CD44: variants seen among roughly 807,000 people sequenced by gnomAD.
The protein encoded by CD44 is CD44 molecule (IN blood group).
In CD44, 49 loss-of-function variants were observed where a neutral mutation model predicts 88.8. The ratio of observed to expected loss-of-function variants is 0.55; its 90% CI spans 0.44 to 0.70. The LOEUF (loss-of-function observed/expected upper bound fraction) is 0.70, where lower values mean the gene tolerates loss of function less well. CD44 is among the 30% of genes least tolerant of loss of function. The pLI is 0.00. For missense variants in CD44, 883 were observed against 913.8 expected (o/e 0.97, Z 0.43); for synonymous variants, 325 against 312.3 (o/e 1.04, Z -0.43).
At chr11:35,149,358 G>A (rs1210949687) in intron 1 of CD44, among the ~76,000 whole-genome samples, 1 of 152,178 alleles carries the variant, frequency 6.6e-6, no homozygotes, top group Non-Finnish European at 1.5e-5. Context: ...CATTTAGAAG[G>A]TATAAAGGCA....
intron 7 of CD44, chr11:35,200,653 C>T (rs1947224064): frequency 6.3e-6 from 1 of 159,784 alleles, no homozygotes; most frequent in South Asian, 1.8e-4. Flanking sequence ...CAGTTATCTG[C>T]CTCTTCACCC....
At chr11:35,192,386 C>T (rs954897644) in intron 5 of CD44, among the ~76,000 whole-genome samples, 79 of 152,142 alleles carry the variant, frequency 5.2e-4, no homozygotes, top group African/African-American at 1.8e-3. Flanking sequence ...TGAGTAGAAT[C>T]GTATTTCTAA....
At position 35,190,077 on chromosome 11, in the gene CD44, A is replaced by C. The variant is rs1380412697; in HGVS notation, c.667+12A>C. 2 of 1,603,906 alleles carry C rather than the reference A, an allele frequency of 1.2e-6. No homozygotes were observed. Among genetic ancestry groups the C allele is most frequent in the African/African-American group, 2.7e-5 (2 of 74,718 alleles). ...AATCCCTGCTACCAGTAAGGAGAAT[A>C]AATCACTGTGCTTCCCAATAGCAAT... On this transcript the variant is annotated intron_variant, in intron 5 of 17. Transcript: ENST00000428726.
intron 1 of CD44, among the ~76,000 whole-genome samples, chr11:35,151,958 C>T (rs1860401765): frequency 6.6e-6 from 1 of 152,236 alleles, no homozygotes; most frequent in Admixed American, 6.5e-5. Context: ...AGGGTCCCTT[C>T]TTCCCATCAG....
At chr11:35,181,440 A>T (rs1944977478) in intron 3 of CD44, among the ~76,000 whole-genome samples, 1 of 151,928 alleles carries the variant, frequency 6.6e-6, no homozygotes, top group Non-Finnish European at 1.5e-5. Context: ...CAAAATATAA[A>T]TGTCAAATAT....
chr11:35,204,706 AG>A (rs1947659914), intron 10 of CD44, 66 bp downstream of exon 10: 1 of 1,438,176 alleles, frequency 7.0e-7, no homozygotes, highest in Admixed American at 1.8e-5. Flanking sequence ...GTAGACATTG[AG>A]GACATTGAAC....
intron 1 of CD44, among the ~76,000 whole-genome samples, chr11:35,169,358 T>A (rs371406603): frequency 2.0e-5 from 3 of 152,194 alleles, no homozygotes; most frequent in East Asian, 1.9e-4. Flanking sequence ...ATTCTTTACC[T>A]GGTTGTGTCA....
At chr11:35,206,501 CAGTA>C (rs1026135491) in intron 11 of CD44, among the ~76,000 whole-genome samples, 1 of 151,982 alleles carries the variant, frequency 6.6e-6, no homozygotes, top group African/African-American at 2.4e-5. Context: ...CTGTGTGAGG[CAGTA>C]AGTAATAGAT....
chr11:35,228,426 T>C (rs998163841), intron 17 of CD44, among the ~76,000 whole-genome samples: 1 of 152,190 alleles, frequency 6.6e-6, no homozygotes, highest in African/African-American at 2.4e-5. Context: ...GCCGACAAAG[T>C]GTTGACTGGG....
chr11:35,204,597 C>A lies in CD44; in HGVS notation c.1239C>A (p.Arg413=). The A allele has an allele frequency of 1.2e-6, 2 of 1,613,220 alleles. No individual in the cohort carries two copies. Among genetic ancestry groups the A allele is most frequent in the South Asian group, 2.2e-5 (2 of 91,060 alleles). The part of the protein sequence containing the change: ...WFGNRWHEGY[R]QTPKEDSHST... ...GCAACAGATGGCATGAGGGATATCG[C>A]CAAACACCCAAAGAAGACTCCCATT... The change falls in exon 10 of 18, where the codon CGC becomes CGA. Residue 413 remains arginine (R), a synonymous_variant. Transcript: ENST00000428726.
intron 15 of CD44, among the ~76,000 whole-genome samples, chr11:35,215,951 C>T (rs1280639469): frequency 6.7e-6 from 1 of 149,836 alleles, no homozygotes; most frequent in African/African-American, 2.5e-5. Context: ...TGAACTCATT[C>T]AGTCATCCTA....
At chr11:35,185,941 C>T (rs1281001858) in intron 3 of CD44, among the ~76,000 whole-genome samples, 1 of 152,130 alleles carries the variant, frequency 6.6e-6, no homozygotes, top group Non-Finnish European at 1.5e-5. Context: ...GACAGTGCTG[C>T]TCAGAGGGCT....
At position 35,219,817 on chromosome 11, in the gene CD44, G is replaced by A. The variant is rs114554401; in HGVS notation, c.1945+430G>A. On this transcript the variant is annotated intron_variant, in intron 16 of 17. Coordinates refer to ENST00000428726, the MANE Select transcript of CD44 (RefSeq NM_000610.4). ...TACAGACAGGGAGGAGCTACAAGAG[G>A]CATTTATGTTAGATGGAGTGAAAAC... Among the ~76,000 whole-genome samples the A allele has an allele frequency of 3.2e-3, 487 of 152,276 alleles. 5 individuals carry two copies. The highest frequency in any genetic ancestry group is 0.011 in the African/African-American group (474 of 41,558).
chr11:35,185,182 G>A (rs915332668), intron 3 of CD44, among the ~76,000 whole-genome samples: 12 of 152,232 alleles, frequency 7.9e-5, no homozygotes, highest in Admixed American at 6.5e-4. Context: ...ATGGTGACAG[G>A]TGTGGGGGAG....
chr11:35,215,795 C>G (rs954753079), intron 15 of CD44, among the ~76,000 whole-genome samples: 1 of 151,802 alleles, frequency 6.6e-6, no homozygotes, highest in Non-Finnish European at 1.5e-5. Context: ...TTGCTCGGAC[C>G]TGGCAGGCAG....
chr11:35,143,357 A>G (rs929897683), intron 1 of CD44, among the ~76,000 whole-genome samples: 4 of 150,798 alleles, frequency 2.7e-5, no homozygotes, highest in African/African-American at 9.8e-5. Flanking sequence ...CTGCTCAGTG[A>G]GCACTGACTC....
At chr11:35,188,152 A>G (rs985324305) in intron 4 of CD44, among the ~76,000 whole-genome samples, 2 of 152,236 alleles carry the variant, frequency 1.3e-5, no homozygotes, top group African/African-American at 4.8e-5. Context: ...ACAGCTGGAT[A>G]CTGACAGTGT....
chr11:35,198,014 T>C (rs943045319), intron 6 of CD44, 107 bp from the exon 7 acceptor site: 1 of 1,243,700 alleles, frequency 8.0e-7, no homozygotes, highest in Non-Finnish European at 1.1e-6. Context: ...CTCACTTTCT[T>C]TTAAAAATCC....
chr11:35,156,604 C>G (rs1030104585), intron 1 of CD44, among the ~76,000 whole-genome samples: 1 of 152,210 alleles, frequency 6.6e-6, no homozygotes, highest in Non-Finnish European at 1.5e-5. Flanking sequence ...CAGTTCTCAG[C>G]TGCAGTGACA....
Sources: allele counts gnomAD v4.1 joint callset (sites outside exome capture counted in the v4.1 genomes callset), GRCh38; gene constraint gnomAD v4.1.1; transcripts MANE v1.5; gene names NCBI Gene and HGNC (gene_info 2026-07-23, HGNC 2026-07-21).